F11R: variants seen among roughly 807,000 people sequenced by gnomAD.
F11R encodes the protein F11 receptor, also known as junctional adhesion molecule A.
F11R carries 27 observed loss-of-function variants against 39.3 expected under a neutral mutation model. The ratio of observed to expected loss-of-function variants is 0.69; its 90% CI spans 0.51 to 0.95. F11R has a LOEUF of 0.95. Ranked by LOEUF, F11R falls within the 40% of genes least tolerant of loss-of-function variation. The pLI is 0.00. For synonymous variants in F11R, 131 were observed against 144.9 expected, an observed-to-expected ratio of 0.90 and a Z score of 0.69; for missense variants, 335 against 372.7, an observed-to-expected ratio of 0.90 and a Z score of 0.83.
At position 160,995,759 on chromosome 1, in the gene F11R, A is replaced by T. The variant is rs1648081596; in HGVS notation, c.*3112T>A. The T allele has an allele frequency of 6.6e-6, 1 of 152,114 alleles. No homozygotes were observed. The highest frequency in any genetic ancestry group is 2.4e-5 in the African/African-American group (1 of 41,404). The allele number at this position is 152,114 out of a possible 1,614,324, so 9.4% of individuals were successfully genotyped here. On this transcript the variant is annotated 3_prime_UTR_variant, in exon 10 of 10. Transcript: ENST00000368026. ...GAGCAAGACTCCCTCACACACACAC[A>T]CACACACACACACAAAAATGGTGAT...
Position 160,998,485 on chromosome 1 carries a change from C to A in F11R, c.*386G>T. On this transcript the variant is annotated 3_prime_UTR_variant, in exon 10 of 10. Transcript: ENST00000368026. ...CAGTACACAAGGAAAGAGCCCAGAACCAAGCTCAAGATACCTATTCAAAGA... is the reference window on the plus strand; with the variant it reads ...CAGTACACAAGGAAAGAGCCCAGAAACAAGCTCAAGATACCTATTCAAAGA... 2.8e-6 allele frequency: 1 copy of A among 355,400 alleles called. No homozygotes were observed. Among genetic ancestry groups the A allele is most frequent in the South Asian group, 3.7e-5 (1 of 27,292 alleles). The allele number at this position is 355,400 out of a possible 1,614,324, so 22.0% of individuals were successfully genotyped here.
intron 3 of F11R, 111 bp from the exon 4 acceptor site, chr1:161,000,888 G>T (rs1648440880): frequency 1.1e-5 from 17 of 1,499,746 alleles, no homozygotes; most frequent in Middle Eastern, 1.8e-4. Flanking sequence ...CCAGAAAGGG[G>T]GGTAGGAAGG....
rs957525776 is a variant in F11R, at chr1:161,021,115, G to A, written c.-42C>T. On this transcript the variant is annotated 5_prime_UTR_variant, in exon 1 of 10. Transcript: ENST00000368026. Reference sequence around the variant, plus strand: ...ACACAACAGCCGCCGAAGGACTCCTGGGAACAGACACAGCTCCGCGACTAC... The same window carrying A: ...ACACAACAGCCGCCGAAGGACTCCTAGGAACAGACACAGCTCCGCGACTAC... The A allele has an allele frequency of 1.1e-5, 18 of 1,571,966 alleles. No homozygotes were observed. Among genetic ancestry groups the A allele is most frequent in the Non-Finnish European group, 1.4e-5 (16 of 1,143,914 alleles).
intron 1 of F11R, among the ~76,000 whole-genome samples, chr1:161,020,638 G>C (rs1450189779): frequency 1.3e-5 from 2 of 152,232 alleles, no homozygotes; most frequent in Non-Finnish European, 2.9e-5. Flanking sequence ...GCCGTTGGAG[G>C]GGCAGGCTGG....
At chr1:161,020,398 G>A (rs1268617281) in intron 1 of F11R, among the ~76,000 whole-genome samples, 1 of 152,186 alleles carries the variant, frequency 6.6e-6, no homozygotes, top group South Asian at 2.1e-4. Context: ...AACCTCTGCT[G>A]CGCTTAGAGA....
intron 1 of F11R, among the ~76,000 whole-genome samples, chr1:161,008,589 T>C (rs1648959052): frequency 6.6e-6 from 1 of 152,248 alleles, no homozygotes; most frequent in South Asian, 2.1e-4. Context: ...GAGGCACTGT[T>C]GTAAGCATAT....
intron 1 of F11R, among the ~76,000 whole-genome samples, chr1:161,004,609 T>A (rs572177725): frequency 1.3e-5 from 2 of 151,924 alleles, no homozygotes; most frequent in Admixed American, 1.3e-4. Context: ...CTTGGGAGAC[T>A]GAGGCAAAAG....
At chr1:161,008,396 G>A (rs935963383) in intron 1 of F11R, among the ~76,000 whole-genome samples, 2 of 152,034 alleles carry the variant, frequency 1.3e-5, no homozygotes, top group Non-Finnish European at 2.9e-5. Flanking sequence ...CAGCTACTCC[G>A]GAGGCTGAAG....
At chr1:161,017,250 C>T (rs1649516206) in intron 1 of F11R, among the ~76,000 whole-genome samples, 1 of 152,140 alleles carries the variant, frequency 6.6e-6, no homozygotes. Context: ...CAGCCCAACA[C>T]CTGTAAAGGG....
intron 4 of F11R, 55 bp from the exon 5 acceptor site, chr1:161,000,403 T>A (rs886273404): frequency 1.3e-6 from 2 of 1,563,206 alleles, no homozygotes; most frequent in African/African-American, 2.7e-5. Flanking sequence ...TGCTTGAGTC[T>A]AAGTAACCAA....
Position 160,998,701 on chromosome 1 carries a change from A to C in F11R, c.*170T>G. ...AGGAAAGGGAGGGAGGGCATGAAGG[A>C]GGATGGGGCACATAGCTGACATTAT... On this transcript the variant is annotated 3_prime_UTR_variant, in exon 10 of 10. Transcript: ENST00000368026. The C allele has an allele frequency of 1.6e-6, 1 of 645,028 alleles. No individual in the cohort carries two copies. The highest frequency in any genetic ancestry group is 2.8e-6 in the Non-Finnish European group (1 of 360,640). 40.0% of individuals were successfully genotyped at this position (645,028 alleles called of 1,614,324 possible).
chr1:161,015,223 C>T (rs1304811874), intron 1 of F11R, among the ~76,000 whole-genome samples: 3 of 150,684 alleles, frequency 2.0e-5, no homozygotes, highest in Middle Eastern at 3.2e-3. Context: ...GGTGAAACCC[C>T]GTCTCTACTA....
At position 160,996,341 on chromosome 1, in the gene F11R, G is replaced by C. The variant is rs539146150; in HGVS notation, c.*2530C>G. On this transcript the variant is annotated 3_prime_UTR_variant, in exon 10 of 10. Coordinates refer to ENST00000368026, the MANE Select transcript of F11R (RefSeq NM_016946.6). ...AATAACTGACTCATATTCTTCACAA[G>C]TGGCCTAGACAATAAGGAACCATTC... 1.3e-5 allele frequency: 2 copies of C among 152,428 alleles called. No homozygotes were observed. The highest frequency in any genetic ancestry group is 1.3e-4 in the Admixed American group (2 of 15,288). 9.4% of individuals were successfully genotyped at this position (152,428 alleles called of 1,614,324 possible).
intron 1 of F11R, among the ~76,000 whole-genome samples, chr1:161,001,646 A>C (rs564676728): frequency 2.0e-5 from 3 of 152,342 alleles, no homozygotes; most frequent in Admixed American, 1.3e-4. Context: ...GATTTCTACT[A>C]GTCCAAGGGC....
At chr1:161,011,635 G>A (rs1649167851) in intron 1 of F11R, among the ~76,000 whole-genome samples, 1 of 151,874 alleles carries the variant, frequency 6.6e-6, no homozygotes, top group Non-Finnish European at 1.5e-5. Context: ...GGAGGCTGAG[G>A]CAGAGAATTG....
In F11R at chr1:160,998,612, C is replaced by T; in HGVS notation, c.*259G>A. On this transcript the variant is annotated 3_prime_UTR_variant, in exon 10 of 10. Coordinates refer to ENST00000368026, the MANE Select transcript of F11R (RefSeq NM_016946.6). The stretch of plus-strand genomic sequence containing the variant: ...GTCAATGGCATACCCAGGATTCCTT[C>T]CTGATCCCTCAAAGAAATGGGGAAT... 2 of 587,176 alleles carry T rather than the reference C, an allele frequency of 3.4e-6. No homozygotes were observed. Among genetic ancestry groups the T allele is most frequent in the South Asian group, 4.3e-5 (2 of 46,618 alleles). The allele number at this position is 587,176 out of a possible 1,614,324, so 36.4% of individuals were successfully genotyped here.
intron 1 of F11R, 30 bp downstream of exon 1, chr1:161,020,979 AC>A (rs770273733): frequency 1.2e-6 from 2 of 1,611,648 alleles, no homozygotes; most frequent in South Asian, 1.1e-5. Flanking sequence ...GACCCGACCA[AC>A]CGATTCCTCC....
chr1:161,019,413 T>A (rs1238772867), intron 1 of F11R, among the ~76,000 whole-genome samples: 36 of 151,924 alleles, frequency 2.4e-4, no homozygotes, highest in Admixed American at 2.4e-3. Context: ...CCGACCAACA[T>A]GGTGAAACCC....
chr1:161,014,507 C>T (rs1649340288), intron 1 of F11R, among the ~76,000 whole-genome samples: 1 of 152,128 alleles, frequency 6.6e-6, no homozygotes, highest in Non-Finnish European at 1.5e-5. Flanking sequence ...AATTCAAGAC[C>T]AGCCTGTACA....
Sources: gnomAD v4.1 joint callset for allele counts (sites outside exome capture counted in the v4.1 genomes callset) on GRCh38, gnomAD v4.1.1 for gene constraint, MANE v1.5 for transcripts, NCBI Gene and HGNC (gene_info 2026-07-23, HGNC 2026-07-21) for gene names.